Variants in GALNT17 observed in about 807,000 individuals in gnomAD.
The protein encoded by GALNT17 is UDP-GalNAc:polypeptide N-acetylgalactosaminyltransferase-like 3.
GALNT17 carries 29 observed loss-of-function variants against 63.7 expected under a neutral mutation model. That is an observed-to-expected ratio of 0.46 (90% confidence interval 0.34 to 0.62). The LOEUF (loss-of-function observed/expected upper bound fraction) is 0.62. GALNT17 is among the 20% of genes least tolerant of loss of function. The pLI is 0.01. For missense variants in GALNT17, 603 were observed against 799.6 expected (o/e 0.75, Z 2.97); for synonymous variants, 305 against 318.3 (o/e 0.96, Z 0.45).
chr7:71,576,765 C>G (rs1408564495), intron 6 of GALNT17, among the ~76,000 whole-genome samples: 1 of 151,972 alleles, frequency 6.6e-6, no homozygotes, highest in Non-Finnish European at 1.5e-5. Context: ...ACAGGGTTTC[C>G]CCATGTTGCC....
intron 1 of GALNT17, among the ~76,000 whole-genome samples, chr7:71,253,735 A>G (rs1233115426): frequency 6.6e-6 from 1 of 152,156 alleles, no homozygotes; most frequent in Non-Finnish European, 1.5e-5. Flanking sequence ...AGGTACAGGT[A>G]AGAATTTCTA....
chr7:71,547,853 A>G (rs1380702544), intron 5 of GALNT17, among the ~76,000 whole-genome samples: 1 of 152,148 alleles, frequency 6.6e-6, no homozygotes, highest in Non-Finnish European at 1.5e-5. Context: ...AATGAGTTGT[A>G]CACAGTGATT....
chr7:71,218,125 A>T (rs1789519573), intron 1 of GALNT17, among the ~76,000 whole-genome samples: 1 of 151,804 alleles, frequency 6.6e-6, no homozygotes, highest in South Asian at 2.1e-4. Context: ...CGGGCGTGGT[A>T]GCTCACTCCT....
intron 2 of GALNT17, among the ~76,000 whole-genome samples, chr7:71,367,508 G>A (rs1004161188): frequency 4.6e-5 from 7 of 152,152 alleles, no homozygotes; most frequent in Non-Finnish European, 7.3e-5. Flanking sequence ...TTTGTTGGTG[G>A]TTTCCAGACA....
intron 6 of GALNT17, among the ~76,000 whole-genome samples, chr7:71,632,343 A>G (rs759305439): frequency 1.3e-5 from 2 of 152,150 alleles, no homozygotes; most frequent in African/African-American, 4.8e-5. Context: ...CCATGCATGC[A>G]TTCATTCCTG....
rs538346077 is a variant in GALNT17, at chr7:71,432,415, A to G, written c.962+11310A>G. ...TTGCATGACTCTCCTTAGCTACTCA[A>G]CCTCCAGCCCTTGCCCACCAGAAGT... On this transcript the variant is annotated intron_variant, in intron 5 of 10. Transcript: ENST00000333538. Among the ~76,000 whole-genome samples the G allele has an allele frequency of 1.6e-3, 247 of 152,126 alleles. 2 individuals are homozygous for G. The highest frequency in any genetic ancestry group is 5.7e-3 in the African/African-American group (238 of 41,488).
At chr7:71,388,440 A>T in intron 3 of GALNT17, 39 bp downstream of exon 3, 1 of 1,581,394 alleles carries the variant, frequency 6.3e-7, no homozygotes, top group Non-Finnish European at 8.6e-7. Context: ...ACATGATGAC[A>T]GCAGGGGGAA....
At chr7:71,153,292 C>T (rs919571730) in intron 1 of GALNT17, among the ~76,000 whole-genome samples, 4 of 152,190 alleles carry the variant, frequency 2.6e-5, no homozygotes, top group Non-Finnish European at 4.4e-5. Context: ...ATATTTGTAG[C>T]ATACCTGGAA....
chr7:71,289,205 C>CT (rs35418833), intron 1 of GALNT17, among the ~76,000 whole-genome samples: 6,690 of 117,830 alleles, frequency 0.057, 209 homozygotes, highest in East Asian at 0.096. Context: ...CTGACCACGT[C>CT]TTTTTTTTTT....
Position 71,301,332 on chromosome 7 carries a change from T to A in GALNT17, c.239-34218T>A, listed in dbSNP as rs557351206. 4.7e-5 allele frequency among the ~76,000 whole-genome samples: 7 copies of A among 147,612 alleles called. No individual in the cohort carries two copies. The East Asian group carries it at 9.7e-4, about 21-fold the overall frequency. On this transcript the variant is annotated intron_variant, in intron 1 of 10. Coordinates refer to ENST00000333538, the MANE Select transcript of GALNT17 (RefSeq NM_022479.3). ...ATAATACTTTTTAAAAAATATTTTT[T>A]AATTATTATATTAAAATATATATTT...
chr7:71,626,101 G>A (rs140081699), intron 6 of GALNT17, among the ~76,000 whole-genome samples: 236 of 152,084 alleles, frequency 1.6e-3, no homozygotes, highest in African/African-American at 5.4e-3. Context: ...AAAATTAGCC[G>A]GGTGTGGTGG....
At chr7:71,706,695 A>T (rs1791725956) in intron 9 of GALNT17, among the ~76,000 whole-genome samples, 1 of 152,174 alleles carries the variant, frequency 6.6e-6, no homozygotes. Context: ...CGTTAACCAC[A>T]TCTCTCTCAA....
chr7:71,316,242 TGATCTGTGGGTCTGATCAGGATC>T (rs1791497113), intron 1 of GALNT17, among the ~76,000 whole-genome samples: 1 of 135,972 alleles, frequency 7.4e-6, no homozygotes, highest in South Asian at 2.2e-4. Context: ...ATCAGGATCC[TGATCTGTGGGTCTGATCAGGATC>T]CTGATCTGTG....
rs1790734045 is a variant in GALNT17, at chr7:71,650,143, C to A, written c.1081-15268C>A. ...CTTATGGGACCAGTAATTGGGAATG[C>A]CTTTTATTTTGCCTTTACCAAGTTG... On this transcript the variant is annotated intron_variant, in intron 6 of 10. Coordinates refer to ENST00000333538, the MANE Select transcript of GALNT17 (RefSeq NM_022479.3). Among the ~76,000 whole-genome samples, 3 of 152,310 alleles carry A rather than the reference C, an allele frequency of 2.0e-5. No homozygotes were observed. The South Asian group carries it at 6.2e-4, about 32-fold the overall frequency.
In GALNT17 at chr7:71,409,418, C is replaced by T. The variant is rs186619906; in HGVS notation, c.590-6471C>T. Reference sequence around the variant, plus strand: ...GGCCACCTCAGACTTACTGGTGATTCGGATGCAGGTTAAAGGTAGAGGAAC... The same window carrying T: ...GGCCACCTCAGACTTACTGGTGATTTGGATGCAGGTTAAAGGTAGAGGAAC... On this transcript the variant is annotated intron_variant, in intron 3 of 10. Transcript: ENST00000333538. Among the ~76,000 whole-genome samples, 11 of 152,234 alleles carry T rather than the reference C, an allele frequency of 7.2e-5. No individual in the cohort carries two copies. In the East Asian group the frequency reaches 1.7e-3, roughly 24 times the overall value.
chr7:71,290,003 C>T (rs1193789359), intron 1 of GALNT17, among the ~76,000 whole-genome samples: 1 of 152,120 alleles, frequency 6.6e-6, no homozygotes, highest in African/African-American at 2.4e-5. Flanking sequence ...TGACATAGCG[C>T]CACTGCACTC....
At chr7:71,300,566 C>G in intron 1 of GALNT17, 1 of 366,066 alleles carries the variant, frequency 2.7e-6, no homozygotes, top group South Asian at 2.0e-5. Context: ...GAAAGCAAGT[C>G]ATTTGTTTTC....
At chr7:71,470,509 A>G (rs1230360048) in intron 5 of GALNT17, among the ~76,000 whole-genome samples, 2 of 152,098 alleles carry the variant, frequency 1.3e-5, no homozygotes, top group African/African-American at 4.8e-5. Context: ...ACAGACCCAG[A>G]TTCAGAAAGG....
intron 6 of GALNT17, among the ~76,000 whole-genome samples, chr7:71,603,747 A>G (rs1400408482): frequency 2.0e-5 from 3 of 150,104 alleles, no homozygotes; most frequent in African/African-American, 7.4e-5. Context: ...TATGCTAAGT[A>G]CATACACCAG....
Sources: gnomAD v4.1 joint callset for allele counts (sites outside exome capture counted in the v4.1 genomes callset) on GRCh38, gnomAD v4.1.1 for gene constraint, MANE v1.5 for transcripts, NCBI Gene and HGNC (gene_info 2026-07-23, HGNC 2026-07-21) for gene names.